CDKL2: variants seen among roughly 807,000 people sequenced by gnomAD.
CDKL2 encodes the protein cyclin-dependent kinase-like 2.
Under a neutral mutation model 63.9 loss-of-function variants are expected in CDKL2, and 64 were observed. The ratio of observed to expected loss-of-function variants is 1.00; its 90% CI spans 0.82 to 1.23. The LOEUF is 1.23. Ranked by LOEUF, CDKL2 falls within the 50% of genes most tolerant of loss-of-function variation. CDKL2 has a pLI of 0.00. For missense variants in CDKL2, 656 were observed against 668.0 expected (o/e 0.98, Z 0.20); for synonymous variants, 211 against 229.2 (o/e 0.92, Z 0.72).
At chr4:75,595,203 CTTTT>C (rs71203830) in intron 10 of CDKL2, among the ~76,000 whole-genome samples, 1 of 135,274 alleles carries the variant, frequency 7.4e-6, no homozygotes. Context: ...TTTCTTTCTT[CTTTT>C]TTTTTTTTTT....
rs1192717253 is a variant in CDKL2 at position 75,577,444 on chromosome 4, T to G, written c.*1758A>C. On this transcript the variant is annotated 3_prime_UTR_variant, in exon 14 of 14. Coordinates refer to ENST00000307465, the MANE Select transcript of CDKL2 (RefSeq NM_001330724.2). ...ATTTTTTAGTTCCTTAATTCTAAAG[T>G]TCACAAAGTGTTTTAATAGGCAAAA... Among the ~76,000 whole-genome samples the G allele has an allele frequency of 2.6e-5, 4 of 152,284 alleles. No individual in the cohort carries two copies. The highest frequency in any genetic ancestry group is 9.6e-5 in the African/African-American group (4 of 41,568).
At chr4:75,580,480 A>G (rs1181380573) in intron 13 of CDKL2, among the ~76,000 whole-genome samples, 1 of 151,590 alleles carries the variant, frequency 6.6e-6, no homozygotes, top group East Asian at 2.0e-4. Flanking sequence ...ACCCTGGGCA[A>G]CATGGTGAAA....
At chr4:75,594,368 A>G (rs994221615) in intron 10 of CDKL2, among the ~76,000 whole-genome samples, 17 of 152,130 alleles carry the variant, frequency 1.1e-4, no homozygotes, top group Admixed American at 1.1e-3. Context: ...GAATCGCTCA[A>G]ATCTGGGAGG....
At chr4:75,588,472 ATAAT>A (rs1183116694) in intron 12 of CDKL2, among the ~76,000 whole-genome samples, 1 of 152,184 alleles carries the variant, frequency 6.6e-6, no homozygotes, top group African/African-American at 2.4e-5. Flanking sequence ...TATATATAAA[ATAAT>A]TAATCAAATA....
At chr4:75,599,053 T>C (rs1484767535) in intron 7 of CDKL2, among the ~76,000 whole-genome samples, 1 of 152,188 alleles carries the variant, frequency 6.6e-6, no homozygotes, top group African/African-American at 2.4e-5. Flanking sequence ...TAGAATGTAA[T>C]TTTTGATGCT....
chr4:75,616,808 T>C (rs1351509214), intron 2 of CDKL2, among the ~76,000 whole-genome samples: 2 of 151,796 alleles, frequency 1.3e-5, no homozygotes, highest in African/African-American at 4.8e-5. Context: ...GATCATGTCC[T>C]TTGCAGGGAC....
chr4:75,601,972 T>A (rs1171067444), intron 6 of CDKL2, among the ~76,000 whole-genome samples: 1 of 152,202 alleles, frequency 6.6e-6, no homozygotes, highest in East Asian at 1.9e-4. Flanking sequence ...CTTTTTGAGC[T>A]AAAAATTCCC....
At chr4:75,628,391 A>G (rs1730531462) in intron 1 of CDKL2, among the ~76,000 whole-genome samples, 1 of 152,210 alleles carries the variant, frequency 6.6e-6, no homozygotes, top group Non-Finnish European at 1.5e-5. Context: ...CTGGGATTAC[A>G]GGCGTGAGCC....
intron 13 of CDKL2, among the ~76,000 whole-genome samples, chr4:75,580,763 C>T (rs577161152): frequency 8.2e-5 from 12 of 146,726 alleles, no homozygotes; most frequent in African/African-American, 2.5e-4. Flanking sequence ...TGCAGTGGCG[C>T]GATCTCGGCT....
chr4:75,619,401 A>G (rs937575567), intron 2 of CDKL2, among the ~76,000 whole-genome samples: 4 of 152,006 alleles, frequency 2.6e-5, no homozygotes, highest in Non-Finnish European at 5.9e-5. Flanking sequence ...ACAAAAATCT[A>G]AAGATTGCCA....
chr4:75,627,495 TC>T (rs1730474600), intron 1 of CDKL2, among the ~76,000 whole-genome samples: 1 of 152,006 alleles, frequency 6.6e-6, no homozygotes, highest in Admixed American at 6.6e-5. Context: ...GATCTCAAAC[TC>T]CTGACCTCAA....
At chr4:75,592,079 A>T (rs1400429595) in intron 11 of CDKL2, 67 bp downstream of exon 11, 1 of 1,434,596 alleles carries the variant, frequency 7.0e-7, no homozygotes, top group African/African-American at 1.4e-5. Context: ...TTATTTTTAA[A>T]TTCTGTCTAA....
chr4:75,590,970 A>C (rs1414387388), intron 12 of CDKL2, among the ~76,000 whole-genome samples: 1 of 152,224 alleles, frequency 6.6e-6, no homozygotes, highest in Non-Finnish European at 1.5e-5. Flanking sequence ...CAGTTTTTTC[A>C]GTGTAAAAAT....
rs1202352753 is a variant in CDKL2, at chr4:75,610,238, A to G, written c.364-2877T>C. Reference sequence around the variant, plus strand: ...AGAAAAAGAAAAAAAGAAAGAGCTAAACTGGGAGTCGGGAGACCTGGGTCT... The same window carrying G: ...AGAAAAAGAAAAAAAGAAAGAGCTAGACTGGGAGTCGGGAGACCTGGGTCT... On this transcript the variant is annotated intron_variant, in intron 3 of 13. Transcript: ENST00000307465. Among the ~76,000 whole-genome samples, 3 of 151,902 alleles carry G rather than the reference A, an allele frequency of 2.0e-5. No homozygotes were observed. The East Asian group carries it at 5.8e-4, about 29-fold the overall frequency.
intron 1 of CDKL2, 48 bp downstream of exon 1, chr4:75,629,994 T>C (rs1013336698): frequency 1.5e-5 from 2 of 136,920 alleles, no homozygotes; most frequent in Non-Finnish European, 3.1e-5. Flanking sequence ...AAATCTTTTA[T>C]AGATCAAAGA....
chr4:75,603,586 C>G (rs1729293252), intron 6 of CDKL2, among the ~76,000 whole-genome samples: 1 of 150,720 alleles, frequency 6.6e-6, no homozygotes, highest in Non-Finnish European at 1.5e-5. Context: ...AAAAATTAGC[C>G]AGGCATGGTG....
Position 75,610,169 on chromosome 4 carries a change from C to T in CDKL2, c.364-2808G>A, listed in dbSNP as rs1002449492. Among the ~76,000 whole-genome samples, 8 of 150,498 alleles carry T rather than the reference C, an allele frequency of 5.3e-5. No homozygotes were observed. The South Asian group carries it at 1.5e-3, about 28-fold the overall frequency. On this transcript the variant is annotated intron_variant, in intron 3 of 13. Coordinates refer to ENST00000307465, the MANE Select transcript of CDKL2 (RefSeq NM_001330724.2). ...AGTGAGCCGAAATCGAGCCACTGCA[C>T]TCCATCCTGGGCGACAGAGCGAGCC...
intron 2 of CDKL2, among the ~76,000 whole-genome samples, chr4:75,622,091 T>C (rs1430569874): frequency 6.6e-6 from 1 of 152,114 alleles, no homozygotes; most frequent in Non-Finnish European, 1.5e-5. Flanking sequence ...AGTTTGTATA[T>C]TAAAATATCT....
intron 6 of CDKL2, among the ~76,000 whole-genome samples, chr4:75,603,522 A>G (rs913851526): frequency 1.3e-5 from 2 of 150,548 alleles, no homozygotes; most frequent in African/African-American, 4.9e-5. Flanking sequence ...CGAGGTCAGG[A>G]GATTGAGACC....
Sources: allele counts gnomAD v4.1 joint callset (sites outside exome capture counted in the v4.1 genomes callset), GRCh38; gene constraint gnomAD v4.1.1; transcripts MANE v1.5; gene names NCBI Gene and HGNC (gene_info 2026-07-23, HGNC 2026-07-21).